Variants in RABGAP1L observed in about 807,000 individuals in gnomAD.
The protein encoded by RABGAP1L is RAB GTPase activating protein 1 like, also known as rab GTPase-activating protein 1-like.
Under a neutral mutation model 137.7 loss-of-function variants are expected in RABGAP1L, and 63 were observed. The ratio of observed to expected loss-of-function variants is 0.46; its 90% CI spans 0.37 to 0.56. RABGAP1L has a LOEUF of 0.56. RABGAP1L is among the 20% of genes least tolerant of loss of function. RABGAP1L has a pLI of 0.00. For missense variants in RABGAP1L, 1,095 were observed against 1,244.0 expected, an observed-to-expected ratio of 0.88 and a Z score of 1.80; for synonymous variants, 431 against 433.7, an observed-to-expected ratio of 0.99 and a Z score of 0.08.
intron 13 of RABGAP1L, among the ~76,000 whole-genome samples, chr1:174,584,749 A>G (rs756720137): frequency 6.6e-6 from 1 of 151,830 alleles, no homozygotes; most frequent in African/African-American, 2.4e-5. Context: ...TAAACTTAAC[A>G]CTCTTGGAGG....
At chr1:174,321,078 T>C (rs1330416180) in intron 11 of RABGAP1L, among the ~76,000 whole-genome samples, 3 of 152,218 alleles carry the variant, frequency 2.0e-5, no homozygotes, top group East Asian at 3.9e-4. Flanking sequence ...AAATGGCTGC[T>C]CTAGGAATGT....
intron 13 of RABGAP1L, among the ~76,000 whole-genome samples, chr1:174,596,789 G>A (rs561858149): frequency 6.6e-6 from 1 of 152,124 alleles, no homozygotes; most frequent in Admixed American, 6.5e-5. Flanking sequence ...TCTTTGTCTT[G>A]TTCCAGATCT....
intron 18 of RABGAP1L, among the ~76,000 whole-genome samples, chr1:174,780,947 A>C (rs1211651803): frequency 2.0e-5 from 3 of 151,404 alleles, no homozygotes; most frequent in Non-Finnish European, 2.9e-5. Flanking sequence ...TATGTGCCAC[A>C]TTTTCTTAAT....
intron 1 of RABGAP1L, among the ~76,000 whole-genome samples, chr1:174,197,732 G>A (rs4518972): frequency 0.06 from 9,169 of 151,910 alleles, 965 homozygotes; most frequent in African/African-American, 0.21. Context: ...CTCAAGAGGC[G>A]GAGGTTGCAG....
chr1:174,648,897 A>C (rs1675215688), intron 14 of RABGAP1L, among the ~76,000 whole-genome samples: 1 of 152,130 alleles, frequency 6.6e-6, no homozygotes, highest in Admixed American at 6.6e-5. Flanking sequence ...TGTTGGGTGC[A>C]TATATATTTA....
chr1:174,887,913 T>C (rs563518172), intron 19 of RABGAP1L, among the ~76,000 whole-genome samples: 5 of 152,174 alleles, frequency 3.3e-5, no homozygotes, highest in Admixed American at 6.5e-5. Flanking sequence ...GGCATGCGCC[T>C]GTAATTCCAG....
chr1:174,968,295 T>C (rs958451569), intron 20 of RABGAP1L, among the ~76,000 whole-genome samples: 2 of 152,230 alleles, frequency 1.3e-5, no homozygotes, highest in Non-Finnish European at 2.9e-5. Context: ...CGTGTAAATC[T>C]GAAAAACAGG....
At chr1:174,650,293 C>G (rs553941213) in intron 14 of RABGAP1L, among the ~76,000 whole-genome samples, 1 of 151,870 alleles carries the variant, frequency 6.6e-6, no homozygotes, top group Non-Finnish European at 1.5e-5. Flanking sequence ...GTCTAAAATT[C>G]TCTTTTTTGG....
intron 7 of RABGAP1L, among the ~76,000 whole-genome samples, chr1:174,260,384 G>C (rs1673484427): frequency 6.6e-6 from 1 of 152,166 alleles, no homozygotes; most frequent in South Asian, 2.1e-4. Context: ...TTAGATGTTA[G>C]GGCATTCAAG....
At chr1:174,347,170 G>A (rs1682508955) in intron 11 of RABGAP1L, among the ~76,000 whole-genome samples, 1 of 152,148 alleles carries the variant, frequency 6.6e-6, no homozygotes, top group South Asian at 2.1e-4. Context: ...ATGAGCTGAG[G>A]AGAAGAATGT....
intron 13 of RABGAP1L, among the ~76,000 whole-genome samples, chr1:174,444,559 G>A (rs1311177240): frequency 6.6e-6 from 1 of 152,000 alleles, no homozygotes; most frequent in African/African-American, 2.4e-5. Flanking sequence ...CAGCAGTGAA[G>A]CCATCAAGTT....
intron 13 of RABGAP1L, among the ~76,000 whole-genome samples, chr1:174,431,619 G>A (rs1352622044): frequency 6.6e-6 from 1 of 152,082 alleles, no homozygotes; most frequent in Non-Finnish European, 1.5e-5. Context: ...AGAAAATAAG[G>A]ACAGCAAATT....
At position 174,683,558 on chromosome 1, in the gene RABGAP1L, C is replaced by T. The variant is rs1456287143; in HGVS notation, c.1861C>T (p.Gln621Ter). 2.5e-6 allele frequency: 4 copies of T among 1,609,288 alleles called. No homozygotes were observed. The highest frequency in any genetic ancestry group is 3.4e-6 in the Non-Finnish European group (4 of 1,175,836). ...SVYDEDIGYC[Q>*]GQSFLAAVLL... is the part of the protein sequence containing the mutation. ...GTATGATGAAGACATTGGGTACTGT[C>T]AAGGGCAGTCTTTTCTTGCTGCTGT... Residue 621 changes from glutamine to a stop codon, truncating the protein, a stop_gained, in exon 15 of 26, where the codon CAA (glutamine) becomes TAA (stop). Transcript: ENST00000681986. LOFTEE classifies it high-confidence loss of function.
intron 18 of RABGAP1L, among the ~76,000 whole-genome samples, chr1:174,798,389 C>T (rs755642922): frequency 1.3e-5 from 2 of 150,064 alleles, no homozygotes; most frequent in Non-Finnish European, 3.0e-5. Flanking sequence ...GGTGACAGAG[C>T]GACAATCCGT....
Position 174,162,700 on chromosome 1 carries a change from C to A in RABGAP1L, c.-34+3043C>A, listed in dbSNP as rs144744823. Among the ~76,000 whole-genome samples, 1,146 of 146,776 alleles carry A rather than the reference C, an allele frequency of 7.8e-3. 8 individuals are homozygous for A. Among genetic ancestry groups the A allele is most frequent in the Non-Finnish European group, 0.013 (863 of 67,270 alleles). On this transcript the variant is annotated intron_variant, in intron 1 of 25. Transcript: ENST00000681986. Reference sequence around the variant, plus strand: ...TCTTGACTTATATAAATGGGTCAGCCGTTGAGTCTGAGGATGACCAGCAGC... The same window carrying A: ...TCTTGACTTATATAAATGGGTCAGCAGTTGAGTCTGAGGATGACCAGCAGC...
chr1:174,378,120 AT>A (rs1183582666), intron 12 of RABGAP1L, among the ~76,000 whole-genome samples: 1 of 145,770 alleles, frequency 6.9e-6, no homozygotes, highest in African/African-American at 2.6e-5. Context: ...TGAACTCATC[AT>A]TTTTTACGGC....
intron 13 of RABGAP1L, among the ~76,000 whole-genome samples, chr1:174,427,287 A>G (rs1439761278): frequency 6.6e-6 from 1 of 151,934 alleles, no homozygotes; most frequent in African/African-American, 2.4e-5. Context: ...CCCAACTTCG[A>G]TCTTCTAATT....
chr1:174,918,825 C>T (rs1424778552), intron 19 of RABGAP1L, among the ~76,000 whole-genome samples: 1 of 59,418 alleles, frequency 1.7e-5, no homozygotes, highest in East Asian at 4.5e-4. Context: ...TGAGACCCAC[C>T]CCCCCGATCT....
chr1:174,895,101 C>A (rs1277622549), intron 19 of RABGAP1L, among the ~76,000 whole-genome samples: 1 of 152,122 alleles, frequency 6.6e-6, no homozygotes, highest in Admixed American at 6.5e-5. Context: ...CGAGGACTTC[C>A]TCTGAACCCT....
Sources: gnomAD v4.1 joint callset for allele counts (sites outside exome capture counted in the v4.1 genomes callset) on GRCh38, gnomAD v4.1.1 for gene constraint, MANE v1.5 for transcripts, NCBI Gene and HGNC (gene_info 2026-07-23, HGNC 2026-07-21) for gene names.